ADAM7: variants seen among roughly 807,000 people sequenced by gnomAD.
ADAM7 encodes the protein ADAM metallopeptidase domain 7, also known as disintegrin and metalloproteinase domain-containing protein 7.
Under a neutral mutation model 102.9 loss-of-function variants are expected in ADAM7, and 97 were observed. The ratio of observed to expected loss-of-function variants is 0.94; its 90% CI spans 0.80 to 1.12. The LOEUF is 1.12. Ranked by LOEUF, ADAM7 falls within the 50% of genes most tolerant of loss-of-function variation. The pLI is 0.00. For synonymous variants in ADAM7, 334 were observed against 304.4 expected (o/e 1.10, Z -1.01); for missense variants, 991 against 908.7 (o/e 1.09, Z -1.16).
chr8:24,481,941 C>T (rs540506870), intron 8 of ADAM7, among the ~76,000 whole-genome samples: 1 of 152,128 alleles, frequency 6.6e-6, no homozygotes, highest in Non-Finnish European at 1.5e-5. Context: ...CACCATTGCC[C>T]AGAAAATTCA....
chr8:24,465,168 G>C (rs1390093513), intron 4 of ADAM7, among the ~76,000 whole-genome samples: 1 of 152,138 alleles, frequency 6.6e-6, no homozygotes, highest in East Asian at 1.9e-4. Context: ...ATTCTTTTAT[G>C]CAGGGGGTGG....
At position 24,493,303 on chromosome 8, in the gene ADAM7, T is replaced by C. The variant is rs937250077; in HGVS notation, c.1842+74T>C. The C allele has an allele frequency of 4.4e-6, 6 of 1,354,068 alleles. No individual in the cohort carries two copies. In the African/African-American group the frequency reaches 7.5e-5, roughly 17 times the overall value. The allele number at this position is 1,354,068 out of a possible 1,614,324, so 83.9% of individuals were successfully genotyped here. On this transcript the variant is annotated intron_variant, in intron 16 of 21. Transcript: ENST00000175238. ...TAAAAACATTACTGGATACTGTAATTGCTTCCAAAGAGGTCTAGATATGGA... is the reference window on the plus strand; with the variant it reads ...TAAAAACATTACTGGATACTGTAATCGCTTCCAAAGAGGTCTAGATATGGA...
At position 24,509,244 on chromosome 8, in the gene ADAM7, G is replaced by A. The variant is rs963848891; in HGVS notation, c.*698G>A. 1.8e-5 allele frequency: 18 copies of A among 985,470 alleles called. No homozygotes were observed. Among genetic ancestry groups the A allele is most frequent in the Admixed American group, 6.1e-5 (1 of 16,284 alleles). The allele number at this position is 985,470 out of a possible 1,614,324, so 61.0% of individuals were successfully genotyped here. On this transcript the variant is annotated 3_prime_UTR_variant, in exon 22 of 22. Coordinates refer to ENST00000175238, the MANE Select transcript of ADAM7 (RefSeq NM_003817.4). ...AAGAATTTCAGAAAATTTACTCCAA[G>A]TGAGAGGACATACTCACAACTCCTA...
intron 3 of ADAM7, among the ~76,000 whole-genome samples, chr8:24,454,551 T>C (rs1427355120): frequency 6.6e-6 from 1 of 152,194 alleles, no homozygotes; most frequent in African/African-American, 2.4e-5. Context: ...GCAGGTGCCA[T>C]CTGTCACCCC....
intron 3 of ADAM7, among the ~76,000 whole-genome samples, chr8:24,455,034 A>T (rs1163392538): frequency 6.6e-6 from 1 of 152,166 alleles, no homozygotes; most frequent in African/African-American, 2.4e-5. Flanking sequence ...AATCTACTAT[A>T]CAACCAAGCA....
rs141560518 is a variant in ADAM7, at chr8:24,490,816, C to T, written c.1284C>T (p.Cys428=). ...ATTGCCAGGAGTGTACTAATCCTTG[C>T]TGTGATGCACACACATGTGTACTGA... ...CGPAQECTNP[C]CDAHTCVLKP... is the part of the protein sequence containing the mutation. Residue 428 remains cysteine, a synonymous_variant, in exon 13 of 22, where the codon TGC becomes TGT. Transcript: ENST00000175238. 112 of 1,613,520 alleles carry T rather than the reference C, an allele frequency of 6.9e-5. No individual in the cohort carries two copies. The highest frequency in any genetic ancestry group is 9.0e-5 in the Non-Finnish European group (106 of 1,179,720).
intron 2 of ADAM7, among the ~76,000 whole-genome samples, chr8:24,443,606 C>T (rs988799491): frequency 3.3e-5 from 5 of 152,142 alleles, no homozygotes; most frequent in African/African-American, 9.7e-5. Context: ...CGTCTTCTCA[C>T]GACTACTGTC....
intron 3 of ADAM7, among the ~76,000 whole-genome samples, chr8:24,447,514 T>C (rs1272299603): frequency 6.6e-6 from 1 of 152,142 alleles, no homozygotes; most frequent in Non-Finnish European, 1.5e-5. Context: ...TTGAGCTCCA[T>C]ATAGTCACTC....
rs764956130 is a variant in ADAM7, at chr8:24,493,156, A to G, written c.1769A>G (p.Lys590Arg). ...DPQKNATVKC[K>R]TIFLYHDSTD... ...CAGAAGAATGCTACTGTCAAATGCA[A>G]AACTATTTTTTTATACCATGATTCT... The change falls in exon 16 of 22, where the codon AAA becomes AGA. Residue 590 changes from lysine to arginine, a missense_variant. Transcript: ENST00000175238. The G allele has an allele frequency of 1.2e-6, 2 of 1,613,482 alleles. No homozygotes were observed. The highest frequency in any genetic ancestry group is 2.2e-5 in the East Asian group (1 of 44,808).
At chr8:24,499,143 G>C (rs1820660123) in intron 16 of ADAM7, 93 bp from the exon 17 acceptor site, 1 of 884,190 alleles carries the variant, frequency 1.1e-6, no homozygotes, top group South Asian at 2.1e-5. Context: ...TAAATTACAT[G>C]CAAAATTGTG....
At chr8:24,465,832 A>C in intron 5 of ADAM7, 57 bp downstream of exon 5, 1 of 1,375,716 alleles carries the variant, frequency 7.3e-7, no homozygotes, top group Non-Finnish European at 1.0e-6. Context: ...TTTTCAAAGA[A>C]GTTAACTTTG....
chr8:24,442,639 T>C, intron 2 of ADAM7, 63 bp downstream of exon 2: 2 of 1,308,060 alleles, frequency 1.5e-6, no homozygotes, highest in South Asian at 1.2e-5. Flanking sequence ...CAGTTGTCTC[T>C]AGCTCCAACC....
Position 24,508,756 on chromosome 8 carries a change from T to C in ADAM7, c.*210T>C. The stretch of plus-strand genomic sequence containing the variant: ...CACACCCTCTATCATAAACATATGC[T>C]GCAGAAAAAAAATGTCTTGTGGTCT... On this transcript the variant is annotated 3_prime_UTR_variant, in exon 22 of 22. Coordinates refer to ENST00000175238, the MANE Select transcript of ADAM7 (RefSeq NM_003817.4). The C allele has an allele frequency of 1.5e-6, 2 of 1,360,126 alleles. No individual in the cohort carries two copies. Among genetic ancestry groups the C allele is most frequent in the Admixed American group, 6.4e-5 (2 of 31,026 alleles). 84.3% of individuals were successfully genotyped at this position (1,360,126 alleles called of 1,614,324 possible).
chr8:24,442,389 C>G (rs1818404720), intron 1 of ADAM7, 84 bp from the exon 2 acceptor site: 8 of 913,694 alleles, frequency 8.8e-6, no homozygotes, highest in Non-Finnish European at 1.5e-5. Flanking sequence ...GGCAAATGAA[C>G]TGTATTAGAA....
At chr8:24,493,494 T>C (rs1820443915) in intron 16 of ADAM7, among the ~76,000 whole-genome samples, 1 of 145,400 alleles carries the variant, frequency 6.9e-6, no homozygotes. Flanking sequence ...AGACATGGAT[T>C]ATAGACATGG....
intron 11 of ADAM7, among the ~76,000 whole-genome samples, chr8:24,487,717 T>C (rs1820192949): frequency 3.9e-5 from 6 of 152,030 alleles, no homozygotes; most frequent in Admixed American, 3.9e-4. Flanking sequence ...TTGTAGGATA[T>C]GTTGTAAAGC....
chr8:24,442,777 G>T (rs935702462), intron 2 of ADAM7, among the ~76,000 whole-genome samples: 18 of 151,252 alleles, frequency 1.2e-4, no homozygotes, highest in African/African-American at 4.1e-4. Context: ...TGGGTTTAGG[G>T]AATACCATTC....
chr8:24,487,552 T>G (rs1820184519), intron 11 of ADAM7, among the ~76,000 whole-genome samples: 1 of 151,694 alleles, frequency 6.6e-6, no homozygotes, highest in South Asian at 2.1e-4. Context: ...GGAGAATTGC[T>G]TGAATTCGGG....
intron 7 of ADAM7, among the ~76,000 whole-genome samples, chr8:24,474,816 G>A (rs377333996): frequency 5.3e-5 from 8 of 152,008 alleles, no homozygotes; most frequent in African/African-American, 1.9e-4. Flanking sequence ...GATCACTTGA[G>A]CCCAGGAGGT....
Sources: allele counts gnomAD v4.1 joint callset (sites outside exome capture counted in the v4.1 genomes callset), GRCh38; gene constraint gnomAD v4.1.1; transcripts MANE v1.5; gene names NCBI Gene and HGNC (gene_info 2026-07-23, HGNC 2026-07-21).